DLG1: variants seen among roughly 807,000 people sequenced by gnomAD.
DLG1 encodes disks large homolog 1.
Under a neutral mutation model 123.4 loss-of-function variants are expected in DLG1, and 42 were observed. The observed-to-expected ratio is 0.34, with a 90% CI of 0.27 to 0.44. The LOEUF is 0.44. DLG1 is among the 20% of genes least tolerant of loss of function. The probability of loss-of-function intolerance (pLI) is 1.00; values close to 1 mark genes in which losing one functional copy is unlikely to be tolerated. For missense variants in DLG1, 942 were observed against 1,082.6 expected (o/e 0.87, Z 1.82); for synonymous variants, 317 against 356.2 (o/e 0.89, Z 1.24).
At chr3:197,072,693 A>AC (rs1744780832) in intron 18 of DLG1, among the ~76,000 whole-genome samples, 1 of 150,328 alleles carries the variant, frequency 6.7e-6, no homozygotes, top group Non-Finnish European at 1.5e-5. Context: ...AAAAAAAAAA[A>AC]ACAAAAAAAC....
In DLG1 at chr3:197,042,875, T is replaced by G. The variant is rs1462560090; in HGVS notation, c.*1748A>C. 1 of 129,154 alleles carries G rather than the reference T, an allele frequency of 7.7e-6. No homozygotes were observed. The highest frequency in any genetic ancestry group is 1.6e-5 in the Non-Finnish European group (1 of 60,720). The allele number at this position is 129,154 out of a possible 1,614,324, so 8.0% of individuals were successfully genotyped here. On this transcript the variant is annotated 3_prime_UTR_variant, in exon 25 of 25. Transcript: ENST00000667157. ...TGCCTCAAATTGTTTCAAGAAAATG[T>G]TAGCTTGCAAAATATATTTTTTCTT...
intron 16 of DLG1, among the ~76,000 whole-genome samples, chr3:197,082,798 G>A (rs1751985461): frequency 6.6e-6 from 1 of 152,168 alleles, no homozygotes. Context: ...GAAATTGGCA[G>A]AGGTCTCAAG....
chr3:197,069,395 C>T (rs1338358061), intron 18 of DLG1, 135 bp from the exon 19 acceptor site: 6 of 496,356 alleles, frequency 1.2e-5, no homozygotes, highest in East Asian at 1.1e-4. Flanking sequence ...TTCTTTGAAA[C>T]GTTTAAGTTT....
In DLG1 at chr3:197,105,785, T is replaced by C. The variant is rs144015113; in HGVS notation, c.1444-780A>G. ...TAAGACAAACTTAAGAGGACATTCA[T>C]GGAAGCATTATACTTGAATGTAATA... On this transcript the variant is annotated intron_variant, in intron 13 of 24. Coordinates refer to ENST00000667157, the MANE Select transcript of DLG1 (RefSeq NM_001366207.1). Among the ~76,000 whole-genome samples the C allele has an allele frequency of 3.0e-4, 45 of 152,218 alleles. No individual in the cohort carries two copies. The East Asian group carries it at 7.7e-3, about 26-fold the overall frequency.
Position 197,119,498 on chromosome 3 carries a change from G to T in DLG1, c.1198C>A (p.Pro400Thr). The change falls in exon 12 of 25, where the codon CCA (proline) becomes ACA (threonine). Residue 400 changes from proline (P) to threonine (T), a missense_variant. Transcript: ENST00000667157. ...GGTGTCTGGCCCAAGAAGGAAGATG[G>T]GCTAACATGGTTATCAACAGGCTGA... ...SSQPVDNHVS[P>T]SSFLGQTPAS... 6.2e-7 allele frequency: 1 copy of T among 1,610,822 alleles called. No individual in the cohort carries two copies. Among genetic ancestry groups the T allele is most frequent in the South Asian group, 1.1e-5 (1 of 90,904 alleles).
rs184859012 is a variant in DLG1, at chr3:197,074,526, A to C, written c.2005+2060T>G. Among the ~76,000 whole-genome samples the C allele has an allele frequency of 2.4e-4, 36 of 152,128 alleles. No homozygotes were observed. The East Asian group carries it at 6.5e-3, about 28-fold the overall frequency. ...ACATATAAGAAAAATCTGTGGGTCC[A>C]TTTGTTGATCCATACCACCTCTAAA... is the stretch of plus-strand genomic sequence containing the variant. On this transcript the variant is annotated intron_variant, in intron 18 of 24. Transcript: ENST00000667157.
intron 5 of DLG1, among the ~76,000 whole-genome samples, chr3:197,187,610 A>G (rs754769186): frequency 1.2e-4 from 19 of 152,330 alleles, no homozygotes; most frequent in Admixed American, 2.6e-4. Context: ...AATATAAATT[A>G]CTTGTTTCTT....
chr3:197,104,092 CTTTAT>C (rs1244917776), intron 14 of DLG1, among the ~76,000 whole-genome samples: 2 of 152,224 alleles, frequency 1.3e-5, no homozygotes, highest in African/African-American at 4.8e-5. Flanking sequence ...GCATTCTTCT[CTTTAT>C]TTTAAATAGC....
intron 4 of DLG1, among the ~76,000 whole-genome samples, chr3:197,243,750 C>A (rs1561646985): frequency 6.6e-6 from 1 of 152,092 alleles, no homozygotes; most frequent in Non-Finnish European, 1.5e-5. Context: ...TATAATTTAT[C>A]CAATCTACAT....
At chr3:197,071,519 C>T (rs1743944211) in intron 18 of DLG1, among the ~76,000 whole-genome samples, 1 of 151,376 alleles carries the variant, frequency 6.6e-6, no homozygotes, top group East Asian at 1.9e-4. Context: ...CTTAGCTCTT[C>T]TACAATAAAG....
intron 4 of DLG1, among the ~76,000 whole-genome samples, chr3:197,248,902 T>C (rs983879538): frequency 1.3e-5 from 2 of 152,104 alleles, no homozygotes; most frequent in Admixed American, 1.3e-4. Context: ...CTAACACTTG[T>C]GCACAGGAGT....
chr3:197,051,512 G>A, intron 24 of DLG1, 65 bp downstream of exon 24: 2 of 1,253,090 alleles, frequency 1.6e-6, no homozygotes, highest in Non-Finnish European at 2.3e-6. Context: ...ACCTGAACGG[G>A]TCGGTTCACA....
At chr3:197,060,782 A>G (rs1359126847) in intron 22 of DLG1, among the ~76,000 whole-genome samples, 3 of 152,188 alleles carry the variant, frequency 2.0e-5, no homozygotes, top group Non-Finnish European at 2.9e-5. Flanking sequence ...ATTTTCTTCT[A>G]ATACATTTGA....
intron 2 of DLG1, chr3:197,296,884 AAT>A (rs999441258): frequency 7.4e-6 from 3 of 403,330 alleles, no homozygotes; most frequent in Non-Finnish European, 1.3e-5. Flanking sequence ...TTGCTTACAG[AAT>A]AGTGCTTAGT....
chr3:197,295,644 T>C (rs1249814059), intron 3 of DLG1, among the ~76,000 whole-genome samples: 1 of 152,136 alleles, frequency 6.6e-6, no homozygotes, highest in African/African-American at 2.4e-5. Context: ...TAAAAATGAT[T>C]TATCTACTTA....
At chr3:197,231,013 C>T (rs765947427) in intron 4 of DLG1, among the ~76,000 whole-genome samples, 1 of 150,612 alleles carries the variant, frequency 6.6e-6, no homozygotes, top group South Asian at 2.1e-4. Flanking sequence ...ACCTAAGTTT[C>T]CATGGTGACA....
chr3:197,263,680 G>T (rs188669014), intron 4 of DLG1, among the ~76,000 whole-genome samples: 5 of 152,164 alleles, frequency 3.3e-5, no homozygotes, highest in Non-Finnish European at 5.9e-5. Flanking sequence ...CCAGCTACTC[G>T]GGAGGCTGAG....
intron 20 of DLG1, 54 bp downstream of exon 20, chr3:197,066,642 TCCCCCAAA>T: frequency 7.6e-7 from 1 of 1,320,210 alleles, no homozygotes; most frequent in South Asian, 1.4e-5. Flanking sequence ...AGAATTTTTT[TCCCCCAAA>T]TTAAAAAGTA....
In DLG1 at chr3:197,135,145, A is replaced by G. The variant is rs191404153; in HGVS notation, c.1020+1397T>C. On this transcript the variant is annotated intron_variant, in intron 10 of 24. Transcript: ENST00000667157. ...ATTTTTACTCACTCTAGCCTTCTTG[A>G]GATCACACAGCCAAATAATACCTTA... Among the ~76,000 whole-genome samples, 150 of 152,310 alleles carry G rather than the reference A, an allele frequency of 9.8e-4. No homozygotes were observed. The Middle Eastern group carries it at 0.01, about 10-fold the overall frequency.
Sources: gnomAD v4.1 joint callset for allele counts (sites outside exome capture counted in the v4.1 genomes callset) on GRCh38, gnomAD v4.1.1 for gene constraint, MANE v1.5 for transcripts, NCBI Gene and HGNC (gene_info 2026-07-23, HGNC 2026-07-21) for gene names.